STARD10: variants seen among roughly 807,000 people sequenced by gnomAD.
STARD10 encodes START domain-containing protein 10.
STARD10 carries 24 observed loss-of-function variants against 36.0 expected under a neutral mutation model. That is an observed-to-expected ratio of 0.67 (90% confidence interval 0.48 to 0.94). The LOEUF is 0.94. Among genes scored for constraint, STARD10 ranks in the 40% least tolerant of loss-of-function variants. The pLI, the probability that STARD10 is intolerant of heterozygous loss-of-function variation, is 0.00. For synonymous variants in STARD10, 156 were observed against 161.9 expected (o/e 0.96, Z 0.28); for missense variants, 335 against 396.6 (o/e 0.84, Z 1.32).
At chr11:72,787,845 C>T (rs891383016) in intron 1 of STARD10, among the ~76,000 whole-genome samples, 2 of 152,262 alleles carry the variant, frequency 1.3e-5, no homozygotes, top group African/African-American at 2.4e-5. Context: ...AGCTTCTTTT[C>T]TGGCAACCCA....
Position 72,754,816 on chromosome 11 carries a change from G to T in STARD10, c.*81C>A, listed in dbSNP as rs375168255. 8.5e-6 allele frequency: 13 copies of T among 1,533,568 alleles called. No individual in the cohort carries two copies. The highest frequency in any genetic ancestry group is 2.4e-5 in the East Asian group (1 of 41,530). The allele number at this position is 1,533,568 out of a possible 1,614,324, so 95.0% of individuals were successfully genotyped here. On this transcript the variant is annotated 3_prime_UTR_variant, in exon 7 of 7. Coordinates refer to ENST00000334805, the MANE Select transcript of STARD10 (RefSeq NM_006645.3). Reference sequence around the variant, plus strand: ...GGCCCGGTGCCACCAGGTGCCGGGTGGGGGAGGGGAGAAAGTGCAGGAGCG... The same window carrying T: ...GGCCCGGTGCCACCAGGTGCCGGGTTGGGGAGGGGAGAAAGTGCAGGAGCG...
rs1206165855 is a variant in STARD10 at position 72,781,838 on chromosome 11, T to C, written c.-113-544A>G. 1.2e-4 allele frequency: 2 copies of C among 17,352 alleles called. No homozygotes were observed. The highest frequency in any genetic ancestry group is 6.5e-4 in the Admixed American group (1 of 1,542). The allele number at this position is 17,352 out of a possible 1,614,324, so 1.1% of individuals were successfully genotyped here. On this transcript the variant is annotated intron_variant, in intron 1 of 6. Coordinates refer to ENST00000334805, the MANE Select transcript of STARD10 (RefSeq NM_006645.3). This position sits in a 1 kb window ranked among gnomAD's most constrained non-coding sequence, Gnocchi z 4.7. ...CGCCCCTCCCGGCTAGGCTGGGGGC[T>C]CGGGGGCTCGGGGGCTCGGCGGCCG...
At chr11:72,767,189 C>T (rs564199472) in intron 2 of STARD10, among the ~76,000 whole-genome samples, 1 of 152,288 alleles carries the variant, frequency 6.6e-6, no homozygotes, top group South Asian at 2.1e-4. Context: ...CCCTGAACAA[C>T]AGCCCCAACC....
intron 2 of STARD10, among the ~76,000 whole-genome samples, chr11:72,768,272 T>C (rs1858816997): frequency 6.6e-6 from 1 of 152,046 alleles, no homozygotes. Flanking sequence ...CTGCTCCTGC[T>C]TCTCCTCCCA....
At chr11:72,762,235 T>C (rs1377272992) in intron 2 of STARD10, among the ~76,000 whole-genome samples, 1 of 152,110 alleles carries the variant, frequency 6.6e-6, no homozygotes. Flanking sequence ...CACTTGTCTA[T>C]ATTTCTTATT....
At chr11:72,788,159 C>T (rs1859097600) in intron 1 of STARD10, among the ~76,000 whole-genome samples, 2 of 152,154 alleles carry the variant, frequency 1.3e-5, no homozygotes, top group Non-Finnish European at 2.9e-5. Context: ...AGCTTCCATA[C>T]CCAGGGACCA....
chr11:72,775,130 T>G (rs1233269084), intron 2 of STARD10, among the ~76,000 whole-genome samples: 3 of 152,178 alleles, frequency 2.0e-5, no homozygotes, highest in Non-Finnish European at 4.4e-5. Flanking sequence ...ACAGGATGGC[T>G]GTACATCCAT....
intron 2 of STARD10, among the ~76,000 whole-genome samples, chr11:72,772,022 G>A (rs866721538): frequency 2.6e-5 from 4 of 152,190 alleles, no homozygotes; most frequent in African/African-American, 4.8e-5. Context: ...CTCCAGTAAA[G>A]TTCCAGGCTT....
At chr11:72,767,600 C>T (rs1858809498) in intron 2 of STARD10, among the ~76,000 whole-genome samples, 3 of 152,202 alleles carry the variant, frequency 2.0e-5, no homozygotes, top group Admixed American at 1.3e-4. Flanking sequence ...TAATGCAGCA[C>T]TTTGCTGACC....
chr11:72,780,877 A>T, intron 2 of STARD10, 98 bp downstream of exon 2: 1 of 1,272,748 alleles, frequency 7.9e-7, no homozygotes. Flanking sequence ...GGGCCCAGAT[A>T]TACAGCCAGG....
At chr11:72,776,616 G>C (rs1858933532) in intron 2 of STARD10, among the ~76,000 whole-genome samples, 1 of 152,078 alleles carries the variant, frequency 6.6e-6, no homozygotes, top group African/African-American at 2.4e-5. Context: ...AGCCATGTCC[G>C]GCTGTTTGGC....
chr11:72,765,623 G>A (rs1243534763), intron 2 of STARD10, among the ~76,000 whole-genome samples: 2 of 152,104 alleles, frequency 1.3e-5, no homozygotes, highest in Non-Finnish European at 2.9e-5. Context: ...CTATCTCATG[G>A]GGATGTTGTG....
intron 2 of STARD10, 133 bp downstream of exon 2, chr11:72,780,842 C>T (rs1417004757): frequency 6.3e-6 from 6 of 950,712 alleles, no homozygotes; most frequent in Admixed American, 2.0e-5. Context: ...TGTCTCCTCC[C>T]GGTCCCTGGA....
chr11:72,792,989 C>T lies in STARD10; in HGVS notation c.-228G>A, dbSNP rs1859166799. On this transcript the variant is annotated 5_prime_UTR_variant, in exon 1 of 7. Coordinates refer to ENST00000334805, the MANE Select transcript of STARD10 (RefSeq NM_006645.3). ...CATCTCAACACAGCAGGGTCTTCCTCCATCAGGCCAAGGTGGGGGTAGGAG... is the reference window on the plus strand; with the variant it reads ...CATCTCAACACAGCAGGGTCTTCCTTCATCAGGCCAAGGTGGGGGTAGGAG... The T allele has an allele frequency of 6.5e-6, 1 of 152,800 alleles. No homozygotes were observed. Among genetic ancestry groups the T allele is most frequent in the Non-Finnish European group, 1.5e-5 (1 of 68,532 alleles). 9.5% of individuals were successfully genotyped at this position (152,800 alleles called of 1,614,324 possible). A position where few individuals can be genotyped will look rare whatever the true frequency, so the allele number is the denominator to read the frequency against.
chr11:72,785,654 T>A (rs933510977), intron 1 of STARD10, among the ~76,000 whole-genome samples: 1 of 145,052 alleles, frequency 6.9e-6, no homozygotes, highest in Admixed American at 6.8e-5. Flanking sequence ...CCGTATTACA[T>A]ACCACACCTT....
chr11:72,775,841 A>C (rs1858922404), intron 2 of STARD10, among the ~76,000 whole-genome samples: 1 of 152,180 alleles, frequency 6.6e-6, no homozygotes, highest in Admixed American at 6.5e-5. Context: ...CAGATAAGGA[A>C]GCTGAGTCCC....
chr11:72,783,698 GC>G (rs1859033984), intron 1 of STARD10: 5 of 152,454 alleles, frequency 3.3e-5, no homozygotes, highest in South Asian at 2.1e-4. Flanking sequence ...GGTGGCTCCT[GC>G]CTTTTTAGGG....
chr11:72,781,191 G>A lies in STARD10; in HGVS notation c.-10C>T, dbSNP rs781723976. 1 of 1,606,438 alleles carries A rather than the reference G, an allele frequency of 6.2e-7. No individual in the cohort carries two copies. Among genetic ancestry groups the A allele is most frequent in the South Asian group, 1.1e-5 (1 of 91,038 alleles). On this transcript the variant is annotated 5_prime_UTR_variant, in exon 2 of 7. Transcript: ENST00000334805. The surrounding 1 kb of genome is among the most constrained non-coding windows in gnomAD (Gnocchi z 4.7). ...CCGCCAGCTTCTCCATGGGGAGTGT[G>A]GGGAGGCCCAGGGCCCTGGTCCTAG... is the stretch of plus-strand genomic sequence containing the variant.
At chr11:72,755,264 G>A in intron 6 of STARD10, 122 bp from the exon 7 acceptor site, 1 of 953,292 alleles carries the variant, frequency 1.0e-6, no homozygotes. Flanking sequence ...TCACTCCTCA[G>A]CCCTACTTGC....
Sources: gnomAD v4.1 joint callset for allele counts (sites outside exome capture counted in the v4.1 genomes callset) on GRCh38, gnomAD v4.1.1 for gene constraint, Gnocchi (gnomAD v3.1) non-coding constraint, MANE v1.5 for transcripts, NCBI Gene and HGNC (gene_info 2026-07-23, HGNC 2026-07-21) for gene names.